LPAR6: variants seen among roughly 807,000 people sequenced by gnomAD.
LPAR6 encodes lysophosphatidic acid receptor 6.
In LPAR6, 17 loss-of-function variants were observed where a neutral mutation model predicts 22.0. The ratio of observed to expected loss-of-function variants is 0.77; its 90% CI spans 0.53 to 1.16. The LOEUF is 1.16. LPAR6 is among the 50% of genes most tolerant of loss of function. LPAR6 has a pLI of 0.00. For missense variants in LPAR6, 384 were observed against 406.9 expected (o/e 0.94, Z 0.48); for synonymous variants, 136 against 139.8 (o/e 0.97, Z 0.19).
At chr13:48,418,273 G>T (rs1246565866) in intron 2 of LPAR6, among the ~76,000 whole-genome samples, 1 of 151,944 alleles carries the variant, frequency 6.6e-6, no homozygotes, top group Non-Finnish European at 1.5e-5. Context: ...TTTGTATCCA[G>T]CCAAACTAAG....
At chr13:48,390,325 T>G (rs1293486462) in intron 1 of LPAR6, among the ~76,000 whole-genome samples, 3 of 152,198 alleles carry the variant, frequency 2.0e-5, no homozygotes, top group African/African-American at 7.2e-5. Flanking sequence ...GTCAAAGAGT[T>G]GTTTCACCTT....
At position 48,398,298 on chromosome 13, in the gene LPAR6, C is replaced by G. The variant is rs144323284; in HGVS notation, n.115-8486G>C. On this transcript the variant is annotated intron_variant and non_coding_transcript_variant, in intron 1 of 1. Coordinates refer to the LPAR6 transcript ENST00000462781. ...TTTCTCACTCTGACCCAATATATTC[C>G]TAATATAGCTTTGCCCTTGACTTCC... is the stretch of plus-strand genomic sequence containing the variant. Among the ~76,000 whole-genome samples, 409 of 152,172 alleles carry G rather than the reference C, an allele frequency of 2.7e-3. 7 individuals carry two copies. Among genetic ancestry groups the G allele is most frequent in the Non-Finnish European group, 4.7e-4 (32 of 67,978 alleles).
upstream of LPAR6, among the ~76,000 whole-genome samples, chr13:48,428,647 G>A (rs898291703): frequency 4.6e-5 from 7 of 152,208 alleles, no homozygotes; most frequent in Non-Finnish European, 1.0e-4. Flanking sequence ...AGAAATTTAA[G>A]ATTAAGAGAT....
rs535352458 is a variant in LPAR6, at chr13:48,397,882, A to G, written n.115-8070T>C. On this transcript the variant is annotated intron_variant and non_coding_transcript_variant, in intron 1 of 1. Transcript: ENST00000462781. ...TGTGGCTCTGAAAAAACCAAAAAGG[A>G]TATCTGTTGTATGTTTGTATGGTGG... is the stretch of plus-strand genomic sequence containing the variant. Among the ~76,000 whole-genome samples the G allele has an allele frequency of 8.3e-4, 127 of 152,220 alleles. 1 individual carries two copies. The highest frequency in any genetic ancestry group is 6.4e-3 in the South Asian group (31 of 4,820).
chr13:48,399,236 CTT>C (rs1948671866), intron 1 of LPAR6, among the ~76,000 whole-genome samples: 1 of 151,932 alleles, frequency 6.6e-6, no homozygotes, highest in Non-Finnish European at 1.5e-5. Flanking sequence ...TTGTTTTACT[CTT>C]TCTCTGTTTT....
chr13:48,397,884 A>G (rs901905229), intron 1 of LPAR6, among the ~76,000 whole-genome samples: 2 of 152,172 alleles, frequency 1.3e-5, no homozygotes, highest in African/African-American at 4.8e-5. Flanking sequence ...CAAAAAGGAT[A>G]TCTGTTGTAT....
chr13:48,437,254 A>G (rs1851022946), intron 1 of LPAR6, among the ~76,000 whole-genome samples: 1 of 152,254 alleles, frequency 6.6e-6, no homozygotes, highest in Non-Finnish European at 1.5e-5. Context: ...GTAGATAAGT[A>G]ATAACATGAG....
chr13:48,421,669 A>G (rs1036828551), intron 2 of LPAR6, among the ~76,000 whole-genome samples: 3 of 152,354 alleles, frequency 2.0e-5, no homozygotes, highest in Admixed American at 2.0e-4. Context: ...ACAAATTTAC[A>G]GGAAAAAAGC....
At chr13:48,397,450 A>T (rs548411070) in intron 1 of LPAR6, among the ~76,000 whole-genome samples, 50 of 152,318 alleles carry the variant, frequency 3.3e-4, no homozygotes, top group African/African-American at 1.2e-3. Flanking sequence ...CAGTGAGAAC[A>T]CATGGACACA....
chr13:48,402,133 G>A (rs571888372), intron 1 of LPAR6, among the ~76,000 whole-genome samples: 3 of 152,002 alleles, frequency 2.0e-5, no homozygotes, highest in South Asian at 4.1e-4. Context: ...ATGAACATAG[G>A]ATACACTAAT....
intron 1 of LPAR6, among the ~76,000 whole-genome samples, chr13:48,424,325 A>G (rs985554051): frequency 2.6e-5 from 4 of 152,222 alleles, no homozygotes; most frequent in Non-Finnish European, 5.9e-5. Flanking sequence ...AACACTTAAT[A>G]CTTTATGTTA....
intron 2 of LPAR6, among the ~76,000 whole-genome samples, chr13:48,419,602 G>A (rs1279456965): frequency 6.6e-6 from 1 of 152,042 alleles, no homozygotes; most frequent in African/African-American, 2.4e-5. Flanking sequence ...CCAGGAGCTG[G>A]TTTTTTGAAA....
At chr13:48,435,720 A>G (rs1776700933) in intron 1 of LPAR6, among the ~76,000 whole-genome samples, 1 of 152,126 alleles carries the variant, frequency 6.6e-6, no homozygotes, top group Non-Finnish European at 1.5e-5. Flanking sequence ...TTATTTTTGT[A>G]CAAAGTTTGA....
At chr13:48,407,111 C>T (rs1299518921), downstream of LPAR6, among the ~76,000 whole-genome samples, 1 of 152,172 alleles carries the variant, frequency 6.6e-6, no homozygotes, top group Non-Finnish European at 1.5e-5. Context: ...TACCCCATGG[C>T]TATTAACTGT....
chr13:48,411,561 G>A lies in LPAR6; in HGVS notation c.863C>T (p.Pro288Leu). 6.2e-7 allele frequency: 1 copy of A among 1,613,698 alleles called. No individual in the cohort carries two copies. The highest frequency in any genetic ancestry group is 8.5e-7 in the Non-Finnish European group (1 of 1,179,826). The change falls in exon 1 of 1, where the codon CCT (proline) becomes CTT (leucine). Residue 288 changes from proline to leucine, a missense_variant. Pro to Leu is a moderately conservative substitution (Grantham distance 98). Transcript: ENST00000620633. ...CIAVSNCCFD[P>L]IVYYFTSDTI... is the part of the protein sequence containing the mutation. Reference sequence around the variant, plus strand: ...GTCCGATGTAAAGTAGTAAACTATAGGGTCAAAACAACAGTTGGAAACAGC... The same window carrying A: ...GTCCGATGTAAAGTAGTAAACTATAAGGTCAAAACAACAGTTGGAAACAGC...
chr13:48,428,762 T>C (rs563573024), upstream of LPAR6, among the ~76,000 whole-genome samples: 1 of 152,246 alleles, frequency 6.6e-6, no homozygotes, highest in Non-Finnish European at 1.5e-5. Context: ...TACATAGTAA[T>C]GTGCCAAGTT....
At chr13:48,432,513 A>G (rs1949140761) in intron 1 of LPAR6, among the ~76,000 whole-genome samples, 1 of 152,062 alleles carries the variant, frequency 6.6e-6, no homozygotes, top group East Asian at 1.9e-4. Flanking sequence ...CCCCAGATCA[A>G]CAGTTCCATT....
intron 1 of LPAR6, among the ~76,000 whole-genome samples, chr13:48,433,512 C>G (rs1012589183): frequency 6.6e-6 from 1 of 152,070 alleles, no homozygotes; most frequent in Non-Finnish European, 1.5e-5. Context: ...AATTTTTGTT[C>G]AGAGAATTTC....
At chr13:48,393,142 A>ACTCCTT (rs1390362410) in intron 1 of LPAR6, among the ~76,000 whole-genome samples, 1 of 151,978 alleles carries the variant, frequency 6.6e-6, no homozygotes, top group Admixed American at 6.5e-5. Context: ...GAAGGATTCT[A>ACTCCTT]CTCCTTCCCA....
Sources: allele counts gnomAD v4.1 joint callset (sites outside exome capture counted in the v4.1 genomes callset), GRCh38; gene constraint gnomAD v4.1.1; transcripts MANE v1.5; gene names NCBI Gene and HGNC (gene_info 2026-07-23, HGNC 2026-07-21).